The following SPATA13 variants were observed in gnomAD, a reference collection of about 807,000 sequenced individuals.
SPATA13 encodes spermatogenesis-associated protein 13.
In SPATA13, 50 loss-of-function variants were observed where a neutral mutation model predicts 104.0. The ratio of observed to expected loss-of-function variants is 0.48; its 90% CI spans 0.38 to 0.61. The LOEUF (loss-of-function observed/expected upper bound fraction) is 0.61. Ranked by LOEUF, SPATA13 falls within the 20% of genes least tolerant of loss-of-function variation. The probability of loss-of-function intolerance (pLI) is 0.00; values close to 1 mark genes in which losing one functional copy is unlikely to be tolerated. For synonymous variants in SPATA13, 606 were observed against 667.5 expected, an observed-to-expected ratio of 0.91 and a Z score of 1.42; for missense variants, 1,524 against 1,690.6, an observed-to-expected ratio of 0.90 and a Z score of 1.73.
At chr13:24,255,889 T>A (rs563115938) in intron 4 of SPATA13, among the ~76,000 whole-genome samples, 1 of 152,354 alleles carries the variant, frequency 6.6e-6, no homozygotes, top group African/African-American at 2.4e-5. Context: ...TTGGGGAGAT[T>A]TTCAGATGAA....
chr13:24,046,179 T>C (rs1454486320), intron 3 of SPATA13, among the ~76,000 whole-genome samples: 1 of 152,170 alleles, frequency 6.6e-6, no homozygotes, highest in Non-Finnish European at 1.5e-5. Flanking sequence ...AACACTCATG[T>C]ACTAGCATTT....
intron 3 of SPATA13, among the ~76,000 whole-genome samples, chr13:24,151,057 G>A (rs575148052): frequency 6.6e-6 from 1 of 152,148 alleles, no homozygotes; most frequent in African/African-American, 2.4e-5. Context: ...GGAATCCTGC[G>A]AAGATTCATA....
At chr13:24,275,299 CA>C (rs1461850163) in intron 4 of SPATA13, among the ~76,000 whole-genome samples, 1 of 152,180 alleles carries the variant, frequency 6.6e-6, no homozygotes, top group Non-Finnish European at 1.5e-5. Flanking sequence ...CCCCAGGAAT[CA>C]GGGGCCCCCA....
intron 9 of SPATA13, among the ~76,000 whole-genome samples, chr13:24,292,995 CAAAAAAAAA>C (rs34221097): frequency 9.6e-4 from 23 of 23,936 alleles, no homozygotes; most frequent in African/African-American, 3.2e-3. Flanking sequence ...GACTTTGTCT[CAAAAAAAAA>C]AAAAAAAAAA....
intron 4 of SPATA13, among the ~76,000 whole-genome samples, chr13:24,252,235 G>A (rs531801655): frequency 2.6e-4 from 39 of 152,240 alleles, no homozygotes; most frequent in African/African-American, 7.9e-4. Context: ...CTTTCCTTGC[G>A]TCTGGTGCCC....
intron 2 of SPATA13, among the ~76,000 whole-genome samples, chr13:24,226,034 A>C (rs1388464442): frequency 6.6e-6 from 1 of 152,216 alleles, no homozygotes; most frequent in Non-Finnish European, 1.5e-5. Flanking sequence ...TCCTCTCTGC[A>C]GGCAGGTAGT....
At chr13:24,030,437 C>G (rs758084079) in intron 3 of SPATA13, among the ~76,000 whole-genome samples, 5 of 152,152 alleles carry the variant, frequency 3.3e-5, no homozygotes, top group Non-Finnish European at 5.9e-5. Flanking sequence ...TGCTTATGCT[C>G]TCCTTATTTG....
intron 3 of SPATA13, among the ~76,000 whole-genome samples, chr13:24,117,085 C>A (rs2137820075): frequency 6.6e-6 from 1 of 152,272 alleles, no homozygotes; most frequent in South Asian, 2.1e-4. Flanking sequence ...TTAGAGCCAA[C>A]CCAAGCTTAC....
intron 3 of SPATA13, among the ~76,000 whole-genome samples, chr13:24,094,107 G>A (rs1593325069): frequency 6.6e-6 from 1 of 152,202 alleles, no homozygotes; most frequent in African/African-American, 2.4e-5. Context: ...TAAGATTTGG[G>A]AGAAGAGCAT....
upstream of SPATA13, among the ~76,000 whole-genome samples, chr13:24,156,163 C>A (rs769907954): frequency 6.6e-6 from 1 of 152,140 alleles, no homozygotes; most frequent in Admixed American, 6.5e-5. Flanking sequence ...AATATCTGTT[C>A]GAGTCCCTGC....
At chr13:23,986,825 G>A (rs748003456) in intron 2 of SPATA13, among the ~76,000 whole-genome samples, 42 of 152,164 alleles carry the variant, frequency 2.8e-4, no homozygotes, top group Non-Finnish European at 5.1e-4. Context: ...TGTTTTTGCT[G>A]TTGTATTCCA....
chr13:24,027,173 C>T (rs1326437838), intron 3 of SPATA13, among the ~76,000 whole-genome samples: 1 of 122,194 alleles, frequency 8.2e-6, no homozygotes. Flanking sequence ...CTAGCTCGGT[C>T]GTCCAGGCTG....
chr13:24,121,032 T>A (rs1302842452), intron 3 of SPATA13, among the ~76,000 whole-genome samples: 1 of 151,430 alleles, frequency 6.6e-6, no homozygotes, highest in East Asian at 1.9e-4. Flanking sequence ...TCTTTTTTTT[T>A]CTGAATTAAG....
rs938211299 is a variant in SPATA13, at chr13:24,051,907, C to G, written c.-112+34206C>G. 5.9e-5 allele frequency among the ~76,000 whole-genome samples: 9 copies of G among 152,196 alleles called. No individual in the cohort carries two copies. The highest frequency in any genetic ancestry group is 2.2e-4 in the African/African-American group (9 of 41,442). ...GAGTTCCCCGGCACCTGTTCCTCCT[C>G]CTCAGCCCCGGCCCACCCCTGCAGC... On this transcript the variant is annotated intron_variant, in intron 3 of 14. Transcript: ENST00000424834. This position sits in a 1 kb window ranked among gnomAD's most constrained non-coding sequence, Gnocchi z 4.2.
At chr13:24,210,420 C>A (rs1870947756) in intron 1 of SPATA13, among the ~76,000 whole-genome samples, 1 of 152,082 alleles carries the variant, frequency 6.6e-6, no homozygotes, top group Non-Finnish European at 1.5e-5. Context: ...AAGTTTAAGT[C>A]TTTAATTCAT....
rs1208873899 is a variant in SPATA13, at chr13:24,286,969, A to C, written c.2667+19A>C. 6.2e-7 allele frequency: 1 copy of C among 1,608,362 alleles called. No individual in the cohort carries two copies. Among genetic ancestry groups the C allele is most frequent in the Admixed American group, 1.7e-5 (1 of 59,834 alleles). On this transcript the variant is annotated intron_variant, in intron 7 of 12. Transcript: ENST00000382108. The surrounding 1 kb of genome is among the most constrained non-coding windows in gnomAD (Gnocchi z 4.9). ...CTGTGAGGTGGGACGCCAGGCTGGG[A>C]CCTCACTGAGGGTCACAGTATGAGG...
intron 3 of SPATA13, among the ~76,000 whole-genome samples, chr13:24,129,954 G>A (rs954532108): frequency 6.6e-6 from 1 of 152,196 alleles, no homozygotes; most frequent in African/African-American, 2.4e-5. Flanking sequence ...CTCCCGGGTG[G>A]AGAAATTCAC....
chr13:24,147,997 C>T (rs1881988601), intron 3 of SPATA13, among the ~76,000 whole-genome samples: 1 of 152,132 alleles, frequency 6.6e-6, no homozygotes. Context: ...ATTCATCCAC[C>T]ACTGGACACC....
chr13:24,161,758 A>T lies in SPATA13; in HGVS notation c.-112+826A>T, dbSNP rs1244902549. ...ATTTGCTTCCCAGCATTGCATAGGG[A>T]TGTGGATAAATAGAATAATACTGTG... is the stretch of plus-strand genomic sequence containing the variant. On this transcript the variant is annotated intron_variant, in intron 1 of 12. Transcript: ENST00000382108. This position sits in a 1 kb window ranked among gnomAD's most constrained non-coding sequence, Gnocchi z 4.5. 6.6e-6 allele frequency among the ~76,000 whole-genome samples: 1 copy of T among 152,192 alleles called. No homozygotes were observed. The highest frequency in any genetic ancestry group is 1.5e-5 in the Non-Finnish European group (1 of 68,028).
Sources: allele counts gnomAD v4.1 joint callset (sites outside exome capture counted in the v4.1 genomes callset), GRCh38; gene constraint gnomAD v4.1.1; non-coding constraint Gnocchi (gnomAD v3.1); transcripts MANE v1.5; gene names NCBI Gene and HGNC (gene_info 2026-07-23, HGNC 2026-07-21).